Variants in TXNL1 observed in about 807,000 individuals in gnomAD.
TXNL1 encodes the protein thioredoxin-like protein 1.
TXNL1 carries 14 observed loss-of-function variants against 35.5 expected under a neutral mutation model. The ratio of observed to expected loss-of-function variants is 0.39; its 90% CI spans 0.26 to 0.62. TXNL1 has a LOEUF of 0.62. Among genes scored for constraint, TXNL1 ranks in the 20% least tolerant of loss-of-function variants. TXNL1 has a pLI of 0.47. For synonymous variants in TXNL1, 110 were observed against 115.5 expected (o/e 0.95, Z 0.31); for missense variants, 263 against 349.7 (o/e 0.75, Z 1.98).
chr18:56,613,414 T>A (rs2024028701), intron 6 of TXNL1, among the ~76,000 whole-genome samples: 1 of 152,214 alleles, frequency 6.6e-6, no homozygotes, highest in African/African-American at 2.4e-5. Context: ...AATGCTAAAT[T>A]TTTTAAAAGC....
intron 6 of TXNL1, among the ~76,000 whole-genome samples, chr18:56,613,930 G>A (rs2024038360): frequency 6.6e-6 from 1 of 152,014 alleles, no homozygotes; most frequent in Non-Finnish European, 1.5e-5. Context: ...CTTCTCAGGA[G>A]GCTGAGGCGG....
At position 56,611,007 on chromosome 18, in the gene TXNL1, T is replaced by A. The variant is rs771188917; in HGVS notation, c.826A>T (p.Asn276Tyr). The stretch of plus-strand genomic sequence containing the variant: ...AGCAAACTTACTCGTTTGAAGTCAT[T>A]CATATTTGTTGCCTGGACTGGAGTA... ...IGTPVQATNM[N>Y]DFKRVVGKKG... The change falls in exon 7 of 8, where the codon AAT (asparagine) becomes TAT (tyrosine). Residue 276 changes from asparagine to tyrosine, a missense_variant. Asn to Tyr is a moderately radical substitution (Grantham distance 143). Coordinates refer to ENST00000217515, the MANE Select transcript of TXNL1 (RefSeq NM_004786.3). 7.4e-5 allele frequency: 119 copies of A among 1,601,824 alleles called. No individual in the cohort carries two copies. The East Asian group carries it at 2.7e-3, about 36-fold the overall frequency.
intron 4 of TXNL1, among the ~76,000 whole-genome samples, chr18:56,616,526 A>C (rs1195837115): frequency 6.6e-6 from 1 of 152,202 alleles, no homozygotes; most frequent in Non-Finnish European, 1.5e-5. Flanking sequence ...ATAAGGGAAT[A>C]CAAGAAAAAA....
chr18:56,633,263 C>T (rs189796109), intron 1 of TXNL1, among the ~76,000 whole-genome samples: 11 of 151,138 alleles, frequency 7.3e-5, no homozygotes, highest in African/African-American at 1.7e-4. Context: ...CTGGCTAACA[C>T]GGTGAAACCC....
At chr18:56,616,177 G>A (rs1371905586) in intron 5 of TXNL1, 68 bp downstream of exon 5, 4 of 1,318,630 alleles carry the variant, frequency 3.0e-6, no homozygotes, top group Admixed American at 2.2e-5. Context: ...TTAATAAAAA[G>A]TTTTAATTTT....
chr18:56,614,607 G>A lies in TXNL1; in HGVS notation c.563-11C>T, dbSNP rs1184029538. 6.3e-7 allele frequency: 1 copy of A among 1,599,118 alleles called. No homozygotes were observed. The highest frequency in any genetic ancestry group is 8.5e-7 in the Non-Finnish European group (1 of 1,174,982). ...ATTTAGGGCCCTGACCTATACAATG[G>A]TAGAATAAAATAAAATGTTTAAAAA... On this transcript the variant is annotated splice_polypyrimidine_tract_variant and intron_variant, in intron 5 of 7. Transcript: ENST00000217515.
At chr18:56,620,414 A>G (rs1446687368) in intron 3 of TXNL1, among the ~76,000 whole-genome samples, 4 of 152,226 alleles carry the variant, frequency 2.6e-5, no homozygotes, top group Non-Finnish European at 4.4e-5. Flanking sequence ...AATAAATTTA[A>G]AAGTTTTCTT....
chr18:56,633,218 C>T (rs1000301741), intron 1 of TXNL1, among the ~76,000 whole-genome samples: 12 of 152,094 alleles, frequency 7.9e-5, no homozygotes, highest in Admixed American at 6.5e-4. Flanking sequence ...GAGGCCGAGG[C>T]GGACGGATCA....
chr18:56,614,639 ATATAC>A (rs752469672), intron 5 of TXNL1, 43 bp from the exon 6 acceptor site: 3 of 1,508,918 alleles, frequency 2.0e-6, no homozygotes, highest in East Asian at 2.3e-5. Context: ...AAAACCTCAA[ATATAC>A]TATACTCCCT....
chr18:56,604,746 T>C (rs905514291), intron 7 of TXNL1, among the ~76,000 whole-genome samples: 1 of 152,124 alleles, frequency 6.6e-6, no homozygotes, highest in Non-Finnish European at 1.5e-5. Flanking sequence ...CAATCAATCA[T>C]CAAAAGGACT....
intron 2 of TXNL1, chr18:56,626,112 C>A: frequency 9.8e-7 from 1 of 1,021,292 alleles, no homozygotes; most frequent in Non-Finnish European, 1.2e-6. Context: ...GCTAGGTGAC[C>A]TATTAACAAC....
intron 1 of TXNL1, among the ~76,000 whole-genome samples, chr18:56,627,603 T>C (rs147994816): frequency 1.3e-5 from 2 of 152,312 alleles, no homozygotes; most frequent in East Asian, 3.9e-4. Flanking sequence ...TACAGTACTC[T>C]GATGTCTGAA....
intron 1 of TXNL1, among the ~76,000 whole-genome samples, chr18:56,632,345 A>G (rs1251643802): frequency 2.6e-5 from 4 of 152,136 alleles, no homozygotes; most frequent in Admixed American, 2.6e-4. Flanking sequence ...TACATGTGCT[A>G]TGTTTACTAA....
intron 3 of TXNL1, among the ~76,000 whole-genome samples, chr18:56,619,540 A>G: frequency 1.2e-5 from 1 of 80,262 alleles, no homozygotes; most frequent in Non-Finnish European, 2.4e-5. Flanking sequence ...CTGTCTCCAA[A>G]AAAAAAAAAA....
At chr18:56,622,199 A>G (rs916756027) in intron 3 of TXNL1, among the ~76,000 whole-genome samples, 1 of 152,070 alleles carries the variant, frequency 6.6e-6, no homozygotes, top group African/African-American at 2.4e-5. Context: ...CCTAGTGGCT[A>G]CCATATTACT....
chr18:56,612,980 A>G (rs2024022636), intron 6 of TXNL1, among the ~76,000 whole-genome samples: 1 of 151,888 alleles, frequency 6.6e-6, no homozygotes, highest in Non-Finnish European at 1.5e-5. Context: ...AGCTGGGACT[A>G]CAGGCGCATC....
intron 2 of TXNL1, 31 bp downstream of exon 2, chr18:56,626,330 A>C (rs2024277508): frequency 6.3e-7 from 1 of 1,579,868 alleles, no homozygotes; most frequent in South Asian, 1.2e-5. Flanking sequence ...TCAAAAGTAA[A>C]TTAAAAAGAA....
At chr18:56,610,531 G>A (rs1258000922) in intron 7 of TXNL1, 1 of 152,148 alleles carries the variant, frequency 6.6e-6, no homozygotes, top group Non-Finnish European at 1.5e-5. Context: ...ATACAAACAT[G>A]GTTTGGAAAG....
At chr18:56,628,091 A>G (rs1196658794) in intron 1 of TXNL1, among the ~76,000 whole-genome samples, 1 of 152,218 alleles carries the variant, frequency 6.6e-6, no homozygotes, top group Non-Finnish European at 1.5e-5. Context: ...GAGATTATCC[A>G]AACAGTCAAT....
Sources: allele counts gnomAD v4.1 joint callset (sites outside exome capture counted in the v4.1 genomes callset), GRCh38; gene constraint gnomAD v4.1.1; transcripts MANE v1.5; gene names NCBI Gene and HGNC (gene_info 2026-07-23, HGNC 2026-07-21).